Variants in PTPRR observed in about 807,000 individuals in gnomAD.
The protein encoded by PTPRR is protein tyrosine phosphatase receptor type R.
A neutral mutation model predicts 77.2 loss-of-function variants in PTPRR; 38 were observed. The ratio of observed to expected loss-of-function variants is 0.49; its 90% CI spans 0.38 to 0.65. The LOEUF is 0.65. Ranked by LOEUF, PTPRR falls within the 30% of genes least tolerant of loss-of-function variation. The pLI is 0.00. For synonymous variants in PTPRR, 299 were observed against 283.1 expected (o/e 1.06, Z -0.57); for missense variants, 744 against 799.2 (o/e 0.93, Z 0.83).
At chr12:70,815,771 T>G (rs2470375) in intron 2 of PTPRR, among the ~76,000 whole-genome samples, 30,970 of 151,984 alleles carry the variant, frequency 0.2, 5,023 homozygotes, top group African/African-American at 0.45. Flanking sequence ...TCACTAACAT[T>G]CATTTAACAC....
chr12:70,704,571 C>T (rs993289322), intron 6 of PTPRR, among the ~76,000 whole-genome samples: 5 of 151,986 alleles, frequency 3.3e-5, no homozygotes, highest in East Asian at 1.9e-4. Flanking sequence ...TTTGACATCC[C>T]GTGTCTAAGG....
intron 13 of PTPRR, among the ~76,000 whole-genome samples, chr12:70,648,732 C>A (rs1364705310): frequency 6.6e-6 from 1 of 152,012 alleles, no homozygotes; most frequent in Admixed American, 6.6e-5. Context: ...GCTAGTCTTA[C>A]CAGTGTTCAG....
chr12:70,759,699 A>AAAC (rs1555173438), intron 4 of PTPRR, among the ~76,000 whole-genome samples: 6 of 150,394 alleles, frequency 4.0e-5, no homozygotes, highest in African/African-American at 7.3e-5. Flanking sequence ...AAAAAAAAAA[A>AAAC]AAAAAAACAA....
intron 6 of PTPRR, among the ~76,000 whole-genome samples, chr12:70,738,095 A>T (rs1414610806): frequency 6.6e-6 from 1 of 152,210 alleles, no homozygotes; most frequent in Non-Finnish European, 1.5e-5. Context: ...CAACATTTTC[A>T]TGGCATGTAC....
At chr12:70,859,844 C>G (rs1892721998) in intron 2 of PTPRR, among the ~76,000 whole-genome samples, 1 of 152,034 alleles carries the variant, frequency 6.6e-6, no homozygotes, top group Non-Finnish European at 1.5e-5. Flanking sequence ...TTCTGCCCCT[C>G]CCCAAACAGG....
chr12:70,662,536 T>C lies in PTPRR; in HGVS notation c.1567A>G (p.Asn523Asp). The C allele has an allele frequency of 6.2e-7, 1 of 1,612,392 alleles. No individual in the cohort carries two copies. The highest frequency in any genetic ancestry group is 2.2e-5 in the East Asian group (1 of 44,746). The change falls in exon 11 of 14, where the codon AAT (asparagine) becomes GAT (aspartate). Residue 523 changes from asparagine to aspartate, a missense_variant. Transcript: ENST00000283228. Reference protein sequence around the residue: ...GKVEVLVISVNECDNYTIRNL... With the variant: ...GKVEVLVISVDECDNYTIRNL... ...CGAATGGTGTAGTTATCACATTCAT[T>C]TACACTGATAACCAGAACCTCAACT... is the stretch of plus-strand genomic sequence containing the variant.
chr12:70,870,729 T>TA (rs1352809015), intron 2 of PTPRR, among the ~76,000 whole-genome samples: 1 of 152,238 alleles, frequency 6.6e-6, no homozygotes, highest in African/African-American at 2.4e-5. Context: ...TGATGCTTGT[T>TA]AAAGAAGAGT....
chr12:70,694,260 A>G (rs1453358324), intron 8 of PTPRR, among the ~76,000 whole-genome samples: 1 of 152,204 alleles, frequency 6.6e-6, no homozygotes, highest in Non-Finnish European at 1.5e-5. Context: ...TAAATATAAA[A>G]TGATGACCTG....
At chr12:70,836,136 G>A (rs764921227) in intron 2 of PTPRR, among the ~76,000 whole-genome samples, 2 of 152,072 alleles carry the variant, frequency 1.3e-5, no homozygotes, top group Non-Finnish European at 2.9e-5. Context: ...ACCTGGTGAT[G>A]TCATTCACTA....
At chr12:70,706,499 G>T (rs749017948) in intron 6 of PTPRR, among the ~76,000 whole-genome samples, 26 of 151,916 alleles carry the variant, frequency 1.7e-4, no homozygotes, top group Non-Finnish European at 2.9e-4. Flanking sequence ...AAAGTAAAAA[G>T]AAAATCTTTT....
At chr12:70,778,614 G>A (rs925514555) in intron 2 of PTPRR, among the ~76,000 whole-genome samples, 1 of 151,756 alleles carries the variant, frequency 6.6e-6, no homozygotes, top group Non-Finnish European at 1.5e-5. Context: ...ATTCTCTGAG[G>A]TCTGCACTCT....
Position 70,920,481 on chromosome 12 carries a change from T to TA in PTPRR, c.-92dup. The TA allele has an allele frequency of 7.8e-7, 1 of 1,279,690 alleles. No homozygotes were observed. Among genetic ancestry groups the TA allele is most frequent in the South Asian group, 1.3e-5 (1 of 79,376 alleles). The allele number at this position is 1,279,690 out of a possible 1,614,324, so 79.3% of individuals were successfully genotyped here. ...GAAAGAGCCACCGCCAAGGGTCTTC[T>TA]AGTCTCCGGGATTCAGGTCCTCGGC... is the stretch of plus-strand genomic sequence containing the variant. On this transcript the variant is annotated 5_prime_UTR_variant, in exon 1 of 14. Transcript: ENST00000283228.
intron 6 of PTPRR, 64 bp downstream of exon 6, chr12:70,745,754 T>G: frequency 6.6e-7 from 1 of 1,525,532 alleles, no homozygotes; most frequent in Non-Finnish European, 8.9e-7. Context: ...GTTCTTTCTT[T>G]TTTAGTTGAT....
intron 2 of PTPRR, among the ~76,000 whole-genome samples, chr12:70,882,364 G>C (rs531184308): frequency 6.6e-6 from 1 of 152,176 alleles, no homozygotes; most frequent in South Asian, 2.1e-4. Context: ...TGTATCCTAA[G>C]TCACTACCGT....
At chr12:70,827,137 A>T (rs556644157) in intron 2 of PTPRR, among the ~76,000 whole-genome samples, 2 of 152,278 alleles carry the variant, frequency 1.3e-5, no homozygotes, top group Admixed American at 6.5e-5. Flanking sequence ...TATCACCTTC[A>T]TGGCATTTAT....
intron 13 of PTPRR, among the ~76,000 whole-genome samples, chr12:70,648,567 A>T (rs1446586584): frequency 6.6e-6 from 1 of 152,142 alleles, no homozygotes; most frequent in Non-Finnish European, 1.5e-5. Context: ...TATACCAGAA[A>T]AGGTTGGAGA....
intron 8 of PTPRR, among the ~76,000 whole-genome samples, chr12:70,694,998 A>G (rs936312272): frequency 4.0e-5 from 6 of 150,956 alleles, no homozygotes; most frequent in Non-Finnish European, 8.9e-5. Flanking sequence ...ATATTTGTTT[A>G]CACTGCAAAA....
At chr12:70,680,618 G>A (rs969594972) in intron 10 of PTPRR, among the ~76,000 whole-genome samples, 2 of 152,154 alleles carry the variant, frequency 1.3e-5, no homozygotes, top group African/African-American at 4.8e-5. Flanking sequence ...ACTGGTTAAG[G>A]TGGGGACCCG....
At chr12:70,672,112 GA>G in intron 10 of PTPRR, 1 of 1,392,318 alleles carries the variant, frequency 7.2e-7, no homozygotes, top group Non-Finnish European at 1.0e-6. Context: ...TCCCCAAAAT[GA>G]TGACACAGTT....
Sources: gnomAD v4.1 joint callset for allele counts (sites outside exome capture counted in the v4.1 genomes callset) on GRCh38, gnomAD v4.1.1 for gene constraint, MANE v1.5 for transcripts, NCBI Gene and HGNC (gene_info 2026-07-23, HGNC 2026-07-21) for gene names.